The following FOXN4 variants were observed in gnomAD, a reference collection of about 807,000 sequenced individuals.
FOXN4 encodes forkhead box protein N4.
In FOXN4, 12 loss-of-function variants were observed where a neutral mutation model predicts 45.0. The ratio of observed to expected loss-of-function variants is 0.27; its 90% CI spans 0.17 to 0.43. The LOEUF is 0.43. Among genes scored for constraint, FOXN4 ranks in the 20% least tolerant of loss-of-function variants. The pLI is 1.00. For missense variants in FOXN4, 560 were observed against 694.9 expected, an observed-to-expected ratio of 0.81 and a Z score of 2.18; for synonymous variants, 297 against 295.0, an observed-to-expected ratio of 1.01 and a Z score of -0.07.
rs567645921 is a variant in FOXN4 at position 109,285,586 on chromosome 12, C to G, written c.694-75G>C. On this transcript the variant is annotated intron_variant, in intron 7 of 9. Transcript: ENST00000299162. ...TACCCCGGGGATCTCCTACTCAGGC[C>G]TATAGGGGCAGGACACCGCGGTGGC... is the stretch of plus-strand genomic sequence containing the variant. 5.6e-4 allele frequency: 855 copies of G among 1,523,044 alleles called. 2 individuals carry two copies. Among genetic ancestry groups the G allele is most frequent in the Non-Finnish European group, 7.0e-4 (772 of 1,106,088 alleles). The allele number at this position is 1,523,044 out of a possible 1,614,324, so 94.3% of individuals were successfully genotyped here.
intron 8 of FOXN4, among the ~76,000 whole-genome samples, chr12:109,284,446 T>TATGTGTGCGTGCATGTGTGCGTGC (rs11272447): frequency 2.0e-5 from 3 of 151,748 alleles, no homozygotes; most frequent in Non-Finnish European, 4.4e-5. Context: ...TGTGCATGCA[T>TATGTGTGCGTGCATGTGTGCGTGC]ATGTGTGCGT....
chr12:109,281,716 T>A lies in FOXN4; in HGVS notation c.985A>T (p.Thr329Ser). The change falls in exon 9 of 10, where the codon ACT becomes TCT. Residue 329 changes from threonine (T) to serine (S), a missense_variant. By Grantham distance (58) the Thr-to-Ser change is moderately conservative. This residue lies in a region of FOXN4 where 315 missense variants were observed against 350.5 expected (regional missense o/e 0.90). Transcript: ENST00000299162. Reference protein sequence around the residue: ...KPGEPEAPVLTHATTVAVAHG... With the variant: ...KPGEPEAPVLSHATTVAVAHG... ...GCCACGGCCACTGTGGTGGCGTGAG[T>A]CAGCACGGGGGCCTCTGGTTCCCCC... 1 of 1,610,962 alleles carries A rather than the reference T, an allele frequency of 6.2e-7. No homozygotes were observed. The highest frequency in any genetic ancestry group is 8.5e-7 in the Non-Finnish European group (1 of 1,179,232).
At chr12:109,301,781 C>T (rs186787158) in intron 2 of FOXN4, among the ~76,000 whole-genome samples, 65 of 152,350 alleles carry the variant, frequency 4.3e-4, no homozygotes, top group Admixed American at 9.8e-4. Context: ...CCAGGAGGCC[C>T]TCTATTTTGT....
rs745671013 is a variant in FOXN4, at chr12:109,287,857, G to C, written c.455C>G (p.Pro152Arg). ...PATQPQFPLPPGAQQCPPVGL... is the reference protein window; with the variant it reads ...PATQPQFPLPRGAQQCPPVGL... Reference sequence around the variant, plus strand: ...AGCCCTTGGTACCTGCTGGGCACCCGGGGGGAGCGGGAACTGTGGTTGGGT... The same window carrying C: ...AGCCCTTGGTACCTGCTGGGCACCCCGGGGGAGCGGGAACTGTGGTTGGGT... Residue 152 changes from proline to arginine, a missense_variant, in exon 5 of 10, where the codon CCG becomes CGG. Coordinates refer to ENST00000299162, the MANE Select transcript of FOXN4 (RefSeq NM_213596.3). This position sits in a 1 kb window ranked among gnomAD's most constrained non-coding sequence, Gnocchi z 4.1. 26 of 1,548,700 alleles carry C rather than the reference G, an allele frequency of 1.7e-5. No homozygotes were observed. Among genetic ancestry groups the C allele is most frequent in the Non-Finnish European group, 2.1e-5 (24 of 1,146,378 alleles).
In FOXN4 at chr12:109,308,256, G is replaced by T; in HGVS notation, c.66C>A (p.His22Gln). 3 of 1,551,838 alleles carry T rather than the reference G, an allele frequency of 1.9e-6. No individual in the cohort carries two copies. The highest frequency in any genetic ancestry group is 2.6e-6 in the Non-Finnish European group (3 of 1,146,836). The change falls in exon 2 of 10, where the codon CAC becomes CAA. Residue 22 changes from histidine to glutamine, a missense_variant. Physicochemically the swap from His to Gln is conservative, Grantham distance 24. This residue lies in a region of FOXN4 where 142 missense variants were observed against 185.7 expected (regional missense o/e 0.76). Coordinates refer to ENST00000299162, the MANE Select transcript of FOXN4 (RefSeq NM_213596.3). ...GIIRNSGQNH[H>Q]PSPQEYRLLA... ...CTCACCTGTATTCCTGTGGAGAGGG[G>T]TGGTGATTTTGCCCTGAGTTTCGAA... is the stretch of plus-strand genomic sequence containing the variant.
rs901253410 is a variant in FOXN4, at chr12:109,288,004, C to T, written c.358-50G>A. The T allele has an allele frequency of 1.9e-5, 29 of 1,549,496 alleles. No homozygotes were observed. In the African/African-American group the frequency reaches 3.1e-4, roughly 17 times the overall value. ...CAGAGGGTCACGGTGGGGGTAGACA[C>T]CCAGTCTGGAGGGCACTACCCGCCC... On this transcript the variant is annotated intron_variant, in intron 4 of 9. Coordinates refer to ENST00000299162, the MANE Select transcript of FOXN4 (RefSeq NM_213596.3). This position sits in a 1 kb window ranked among gnomAD's most constrained non-coding sequence, Gnocchi z 4.3.
rs1281290102 is a variant in FOXN4, at chr12:109,279,696, C to T, written c.1529G>A (p.Gly510Glu). ...TCAAAGCAGGGCTATAGGCTTGTTC[C>T]CCTGTGCACCCAGGTACTGGGAGGA... ...SSSSQYLGAQ[G>E]NKPIALL The change falls in exon 10 of 10, where the codon GGG (glycine) becomes GAG (glutamate). Residue 510 changes from glycine to glutamate, a missense_variant. Physicochemically the swap from Gly to Glu is moderately conservative, Grantham distance 98. Around this residue, in one of 5 missense-constraint regions of FOXN4, gnomAD observed 315 missense variants for 350.5 expected, o/e 0.90. Coordinates refer to ENST00000299162, the MANE Select transcript of FOXN4 (RefSeq NM_213596.3). 1.3e-6 allele frequency: 2 copies of T among 1,573,470 alleles called. No individual in the cohort carries two copies. Among genetic ancestry groups the T allele is most frequent in the Non-Finnish European group, 1.7e-6 (2 of 1,160,278 alleles).
At chr12:109,305,997 C>A (rs989858950) in intron 2 of FOXN4, among the ~76,000 whole-genome samples, 4 of 152,092 alleles carry the variant, frequency 2.6e-5, no homozygotes, top group South Asian at 2.1e-4. Flanking sequence ...TTAGTGCCCC[C>A]AGACAGTTTG....
chr12:109,288,684 A>C lies in FOXN4; in HGVS notation c.233-504T>G, dbSNP rs2047738701. 6.6e-6 allele frequency among the ~76,000 whole-genome samples: 1 copy of C among 152,228 alleles called. No homozygotes were observed. Among genetic ancestry groups the C allele is most frequent in the African/African-American group, 2.4e-5 (1 of 41,468 alleles). On this transcript the variant is annotated intron_variant, in intron 3 of 9. Transcript: ENST00000299162. The surrounding 1 kb of genome is among the most constrained non-coding windows in gnomAD (Gnocchi z 4.3). ...AAGCCCTGCTGCTCCACACAGGATGAGAATGGCAGACATACTTCCCCCATC... is the reference window on the plus strand; with the variant it reads ...AAGCCCTGCTGCTCCACACAGGATGCGAATGGCAGACATACTTCCCCCATC...
intron 8 of FOXN4, 108 bp from the exon 9 acceptor site, chr12:109,281,907 C>T (rs1045277502): frequency 2.6e-5 from 34 of 1,318,566 alleles, no homozygotes; most frequent in Non-Finnish European, 3.4e-5. Flanking sequence ...CCTTAGCAAG[C>T]CTCTTGGACA....
chr12:109,298,344 G>GTTTTTTTTTTTTTTGT (rs71079539), intron 2 of FOXN4, among the ~76,000 whole-genome samples: 1 of 131,846 alleles, frequency 7.6e-6, no homozygotes, highest in African/African-American at 2.8e-5. Flanking sequence ...TTTTTTTTTT[G>GTTTTTTTTTTTTTTGT]TTTTTTTTTT....
Position 109,291,711 on chromosome 12 carries a change from G to A in FOXN4, c.87-1425C>T, listed in dbSNP as rs930616932. ...CCTGGGCCCACAAAGCTGGCATCAG[G>A]TGACTGCCTGGCTGCCCCCGCGATT... On this transcript the variant is annotated intron_variant, in intron 2 of 9. Transcript: ENST00000299162. The surrounding 1 kb of genome is among the most constrained non-coding windows in gnomAD (Gnocchi z 6.6). Among the ~76,000 whole-genome samples, 37 of 152,062 alleles carry A rather than the reference G, an allele frequency of 2.4e-4. No individual in the cohort carries two copies. The highest frequency in any genetic ancestry group is 5.9e-5 in the Non-Finnish European group (4 of 68,004).
At chr12:109,285,184 G>A in intron 8 of FOXN4, 120 bp downstream of exon 8, 2 of 1,192,032 alleles carry the variant, frequency 1.7e-6, no homozygotes, top group Non-Finnish European at 2.4e-6. Flanking sequence ...GCGTGCGTAT[G>A]CATCGGCTTC....
chr12:109,307,007 G>A (rs187656442), intron 2 of FOXN4, among the ~76,000 whole-genome samples: 18 of 152,306 alleles, frequency 1.2e-4, no homozygotes, highest in Admixed American at 3.3e-4. Context: ...CTCCCGAGAT[G>A]AGGTGAGTGA....
intron 8 of FOXN4, among the ~76,000 whole-genome samples, chr12:109,283,974 ACAT>A (rs1251725521): frequency 6.6e-6 from 1 of 152,232 alleles, no homozygotes; most frequent in Non-Finnish European, 1.5e-5. Flanking sequence ...TTCACAGTAC[ACAT>A]CATCAGAAGT....
intron 2 of FOXN4, among the ~76,000 whole-genome samples, chr12:109,292,960 T>C (rs1453104573): frequency 2.0e-5 from 3 of 152,178 alleles, no homozygotes; most frequent in Admixed American, 6.5e-5. Flanking sequence ...TCTTTCCTGC[T>C]ACTCGTGAGC....
intron 2 of FOXN4, among the ~76,000 whole-genome samples, chr12:109,307,414 G>A (rs2047931335): frequency 6.6e-6 from 1 of 152,186 alleles, no homozygotes; most frequent in Non-Finnish European, 1.5e-5. Flanking sequence ...TGGCCTCAAG[G>A]GGAAAGAGGC....
intron 2 of FOXN4, among the ~76,000 whole-genome samples, chr12:109,307,873 T>G (rs2047935681): frequency 6.6e-6 from 1 of 152,120 alleles, no homozygotes; most frequent in African/African-American, 2.4e-5. Flanking sequence ...CCCAGAAGGT[T>G]TTTTTTTGGC....
chr12:109,285,661 G>C (rs1216082067), intron 7 of FOXN4, 150 bp from the exon 8 acceptor site: 1 of 846,522 alleles, frequency 1.2e-6, no homozygotes, highest in African/African-American at 1.7e-5. Context: ...GGAGAGACAA[G>C]AGAGAGTGCT....
Sources: gnomAD v4.1 joint callset for allele counts (sites outside exome capture counted in the v4.1 genomes callset) on GRCh38, gnomAD v4.1.1 for gene constraint, gnomAD v4.1.1 regional missense constraint, Gnocchi (gnomAD v3.1) non-coding constraint, MANE v1.5 for transcripts, NCBI Gene and HGNC (gene_info 2026-07-23, HGNC 2026-07-21) for gene names.